The following LRRC4C variants were observed in gnomAD, a reference collection of about 807,000 sequenced individuals.
The protein encoded by LRRC4C is leucine-rich repeat-containing protein 4C.
Under a neutral mutation model 33.6 loss-of-function variants are expected in LRRC4C, and 5 were observed. The ratio of observed to expected loss-of-function variants is 0.15; its 90% CI spans 0.08 to 0.31. The LOEUF (loss-of-function observed/expected upper bound fraction) is 0.31, where lower values mean the gene tolerates loss of function less well. Among genes scored for constraint, LRRC4C ranks in the 10% least tolerant of loss-of-function variants. LRRC4C has a pLI of 1.00. For missense variants in LRRC4C, 560 were observed against 796.7 expected (o/e 0.70, Z 3.58); for synonymous variants, 329 against 302.0 (o/e 1.09, Z -0.93).
chr11:40,423,343 T>TC (rs1023544708), intron 3 of LRRC4C, among the ~76,000 whole-genome samples: 4 of 140,366 alleles, frequency 2.8e-5, no homozygotes, highest in Admixed American at 7.1e-5. Context: ...CATGTTCTTT[T>TC]TTTTTTTTTT....
chr11:40,540,943 G>T lies in LRRC4C; in HGVS notation c.-270+107199C>A, dbSNP rs112816630. Among the ~76,000 whole-genome samples the T allele has an allele frequency of 6.7e-3, 1,012 of 152,150 alleles. 17 individuals are homozygous for T. Among genetic ancestry groups the T allele is most frequent in the African/African-American group, 0.023 (971 of 41,502 alleles). On this transcript the variant is annotated intron_variant, in intron 3 of 6. Coordinates refer to ENST00000528697, the MANE Select transcript of LRRC4C (RefSeq NM_001258419.2). ...AGTCCATTTTAATCTGCCCAGGAGG[G>T]ATGATTGTGACTTTGCAACATTGCT...
chr11:41,184,727 A>G (rs538491416), intron 1 of LRRC4C, among the ~76,000 whole-genome samples: 1 of 151,744 alleles, frequency 6.6e-6, no homozygotes, highest in East Asian at 1.9e-4. Context: ...GTATCTTTTC[A>G]GCAACGTCCC....
intron 3 of LRRC4C, among the ~76,000 whole-genome samples, chr11:40,577,862 G>A (rs2135607828): frequency 7.4e-6 from 1 of 135,776 alleles, no homozygotes; most frequent in African/African-American, 2.8e-5. Flanking sequence ...TTGAGACGGA[G>A]TCTCGCTCTG....
At chr11:40,628,681 C>T (rs1963194546) in intron 3 of LRRC4C, among the ~76,000 whole-genome samples, 1 of 152,158 alleles carries the variant, frequency 6.6e-6, no homozygotes, top group Non-Finnish European at 1.5e-5. Context: ...TCAGATCTAA[C>T]ACCACGAAGA....
chr11:41,221,536 A>G (rs1430576366), intron 1 of LRRC4C, among the ~76,000 whole-genome samples: 1 of 152,178 alleles, frequency 6.6e-6, no homozygotes. Context: ...TTGACCCAGC[A>G]ATCCCATTAC....
chr11:40,870,309 C>G (rs76369551), intron 2 of LRRC4C, among the ~76,000 whole-genome samples: 10,233 of 152,114 alleles, frequency 0.067, 457 homozygotes, highest in Admixed American at 0.15. Context: ...TTGCTGTGCT[C>G]CATGAATTGG....
chr11:40,810,148 T>C (rs7479005), intron 2 of LRRC4C, among the ~76,000 whole-genome samples: 82,390 of 152,012 alleles, frequency 0.54, 25,963 homozygotes, highest in East Asian at 0.86. Context: ...AAATCACTAT[T>C]GTTCAGGTTA....
intron 1 of LRRC4C, among the ~76,000 whole-genome samples, chr11:41,394,247 G>T (rs12290682): frequency 0.029 from 4,333 of 151,998 alleles, 235 homozygotes; most frequent in African/African-American, 0.099. Context: ...CAACGGAAAA[G>T]AAATTTGCAG....
At chr11:40,988,708 CTTTTCTTTTTTTTT>C (rs1406750771) in intron 1 of LRRC4C, among the ~76,000 whole-genome samples, 34 of 107,062 alleles carry the variant, frequency 3.2e-4, no homozygotes, top group Non-Finnish European at 6.4e-4. Context: ...CCTTTCTTTT[CTTTTCTTTTTTTTT>C]TTTTTTTTTT....
chr11:41,067,335 GGTA>G (rs1938323852), intron 1 of LRRC4C, among the ~76,000 whole-genome samples: 1 of 152,098 alleles, frequency 6.6e-6, no homozygotes, highest in Non-Finnish European at 1.5e-5. Flanking sequence ...ATAATGTAAT[GGTA>G]AAGGAATCAA....
intron 1 of LRRC4C, among the ~76,000 whole-genome samples, chr11:41,290,565 CA>C (rs1381794900): frequency 1.3e-5 from 2 of 152,064 alleles, no homozygotes; most frequent in Non-Finnish European, 2.9e-5. Context: ...AGATGTGTTC[CA>C]AGTTCATTTA....
chr11:40,671,827 A>G (rs1196573791), intron 2 of LRRC4C, among the ~76,000 whole-genome samples: 1 of 152,086 alleles, frequency 6.6e-6, no homozygotes, highest in Non-Finnish European at 1.5e-5. Context: ...GCCTATCACT[A>G]TCTAAGATTA....
At chr11:41,034,607 G>GTATATATATA (rs59350888) in intron 1 of LRRC4C, among the ~76,000 whole-genome samples, 233 of 97,010 alleles carry the variant, frequency 2.4e-3, no homozygotes, top group South Asian at 0.011. Flanking sequence ...ATATGGTGAC[G>GTATATATATA]TATATATATA....
chr11:40,748,484 C>A (rs1948535021), intron 2 of LRRC4C, among the ~76,000 whole-genome samples: 1 of 151,874 alleles, frequency 6.6e-6, no homozygotes, highest in African/African-American at 2.4e-5. Context: ...ACTGGTAAAG[C>A]AAACACACAA....
In LRRC4C at chr11:40,760,800, TAC is replaced by T. The variant is rs796080368; in HGVS notation, c.-406-112524_-406-112523del. 4.0e-3 allele frequency among the ~76,000 whole-genome samples: 212 copies of T among 52,838 alleles called. 1 individual carries two copies. Among genetic ancestry groups the T allele is most frequent in the South Asian group, 0.011 (21 of 1,962 alleles). The allele number at this position is 52,838 out of a possible 152,430, so 34.7% of individuals were successfully genotyped here. A position where few individuals can be genotyped will look rare whatever the true frequency, so the allele number is the denominator to read the frequency against. On this transcript the variant is annotated intron_variant, in intron 2 of 6. Transcript: ENST00000528697. ...CAATTTTTGTGTGTATATATATATA[TAC>T]ACACACACACACACACACACATATA... is the stretch of plus-strand genomic sequence containing the variant.
chr11:40,183,142 C>A (rs1861143018), intron 5 of LRRC4C, among the ~76,000 whole-genome samples: 1 of 152,066 alleles, frequency 6.6e-6, no homozygotes, highest in African/African-American at 2.4e-5. Context: ...TTGGTAACAT[C>A]CAGGAAAATG....
At chr11:40,646,489 T>A (rs1942463285) in intron 3 of LRRC4C, among the ~76,000 whole-genome samples, 1 of 152,044 alleles carries the variant, frequency 6.6e-6, no homozygotes, top group Non-Finnish European at 1.5e-5. Context: ...TTTTTCTCAA[T>A]AAACAAAAGA....
chr11:41,096,170 C>T (rs894368141), intron 1 of LRRC4C, among the ~76,000 whole-genome samples: 1 of 152,236 alleles, frequency 6.6e-6, no homozygotes, highest in Non-Finnish European at 1.5e-5. Context: ...GGGGCACACT[C>T]ATTTGAATAT....
intron 1 of LRRC4C, among the ~76,000 whole-genome samples, chr11:41,085,949 A>AAAAG (rs1431711011): frequency 1.3e-5 from 2 of 150,040 alleles, no homozygotes; most frequent in African/African-American, 4.9e-5. Flanking sequence ...AAAAAAAAAA[A>AAAAG]AAAGAAAGAA....
Sources: allele counts gnomAD v4.1 joint callset (sites outside exome capture counted in the v4.1 genomes callset), GRCh38; gene constraint gnomAD v4.1.1; transcripts MANE v1.5; gene names NCBI Gene and HGNC (gene_info 2026-07-23, HGNC 2026-07-21).